FRMD4A: variants seen among roughly 807,000 people sequenced by gnomAD.
The protein encoded by FRMD4A is FERM domain containing 4A.
In FRMD4A, 29 loss-of-function variants were observed where a neutral mutation model predicts 129.1. That is an observed-to-expected ratio of 0.22 (90% CI 0.17 to 0.31). The LOEUF (loss-of-function observed/expected upper bound fraction) is 0.31, where lower values mean the gene tolerates loss of function less well. Ranked by LOEUF, FRMD4A falls within the 10% of genes least tolerant of loss-of-function variation. The pLI is 1.00. For synonymous variants in FRMD4A, 634 were observed against 571.6 expected, an observed-to-expected ratio of 1.11 and a Z score of -1.56; for missense variants, 1,272 against 1,375.8, an observed-to-expected ratio of 0.92 and a Z score of 1.19.
At chr10:13,896,284 G>C (rs550725811) in intron 2 of FRMD4A, among the ~76,000 whole-genome samples, 2 of 152,222 alleles carry the variant, frequency 1.3e-5, no homozygotes, top group Admixed American at 1.3e-4. Context: ...GCTAATCAAT[G>C]ATAGACTGGA....
intron 12 of FRMD4A, among the ~76,000 whole-genome samples, chr10:13,724,885 C>T (rs1278298711): frequency 6.6e-6 from 1 of 152,166 alleles, no homozygotes; most frequent in Non-Finnish European, 1.5e-5. Flanking sequence ...CTGGGAGACA[C>T]ATATCCCCAA....
chr10:14,085,069 C>A (rs189302895), intron 2 of FRMD4A, among the ~76,000 whole-genome samples: 3 of 152,336 alleles, frequency 2.0e-5, no homozygotes, highest in East Asian at 3.9e-4. Flanking sequence ...TTACTGAAAA[C>A]CACAATACAT....
At chr10:13,864,288 AC>A (rs1255032255) in intron 2 of FRMD4A, among the ~76,000 whole-genome samples, 1 of 132,700 alleles carries the variant, frequency 7.5e-6, no homozygotes, top group Non-Finnish European at 1.6e-5. Flanking sequence ...GAGCCACCAC[AC>A]CCCGCCATAG....
chr10:13,751,929 T>C (rs2091645846), intron 8 of FRMD4A, among the ~76,000 whole-genome samples: 4 of 152,100 alleles, frequency 2.6e-5, no homozygotes, highest in Admixed American at 6.5e-5. Flanking sequence ...AGTGGGAGGA[T>C]TGCTTGAGCC....
chr10:13,808,553 A>G (rs2093395492), intron 4 of FRMD4A, among the ~76,000 whole-genome samples: 1 of 152,192 alleles, frequency 6.6e-6, no homozygotes, highest in Non-Finnish European at 1.5e-5. Context: ...GTTCAGATGA[A>G]CAAAGAGGCA....
At chr10:13,838,080 C>T (rs148366164) in intron 3 of FRMD4A, among the ~76,000 whole-genome samples, 1,918 of 152,144 alleles carry the variant, frequency 0.013, 16 homozygotes, top group Non-Finnish European at 0.021. Context: ...TGAATTACAA[C>T]GTGCTATCTC....
chr10:14,214,494 A>G (rs1014204265), intron 2 of FRMD4A, among the ~76,000 whole-genome samples: 3 of 152,212 alleles, frequency 2.0e-5, no homozygotes, highest in African/African-American at 7.2e-5. Flanking sequence ...GGCTAGCTCT[A>G]ATGTCCTATA....
intron 2 of FRMD4A, among the ~76,000 whole-genome samples, chr10:13,963,032 G>A (rs1315855590): frequency 6.6e-6 from 1 of 152,154 alleles, no homozygotes; most frequent in Non-Finnish European, 1.5e-5. Flanking sequence ...AGAAGTGAGA[G>A]TTTTGCTTTC....
At chr10:14,111,944 G>C (rs182068365) in intron 2 of FRMD4A, among the ~76,000 whole-genome samples, 51,837 of 136,806 alleles carry the variant, frequency 0.38, 10,355 homozygotes, top group East Asian at 0.53. Context: ...AGGAAGGAAG[G>C]AAGGGAGGGA....
At chr10:13,783,114 A>G in intron 5 of FRMD4A, 108 bp from the exon 6 acceptor site, 1 of 690,930 alleles carries the variant, frequency 1.4e-6, no homozygotes, top group Non-Finnish European at 2.6e-6. Context: ...CCCATCCTAA[A>G]TAAACAAAGG....
At position 13,651,953 on chromosome 10, in the gene FRMD4A, G is replaced by A. The variant is rs2081644596; in HGVS notation, c.3072C>T (p.Pro1024=). 6.3e-7 allele frequency: 1 copy of A among 1,595,988 alleles called. No homozygotes were observed. The highest frequency in any genetic ancestry group is 1.7e-5 in the Admixed American group (1 of 59,988). Residue 1024 remains proline (P), a synonymous_variant, in exon 24 of 25, where the codon CCC becomes CCT. Transcript: ENST00000357447. The part of the protein sequence containing the change: ...WQTGEATENS[P]ILDGSESPPH... The stretch of plus-strand genomic sequence containing the variant: ...GTGGAGACTCAGACCCATCCAGAAT[G>A]GGTGAGTTTTCTGTTGCTTCTCTGA...
Position 14,116,189 on chromosome 10 carries a change from T to C in FRMD4A, c.45+213869A>G, listed in dbSNP as rs149085187. Among the ~76,000 whole-genome samples, 516 of 152,342 alleles carry C rather than the reference T, an allele frequency of 3.4e-3. 4 individuals are homozygous for C. Among genetic ancestry groups the C allele is most frequent in the African/African-American group, 0.012 (502 of 41,582 alleles). ...GGTTGGTTATGAAAATTGCATGCCT[T>C]GCATCATTACTCTGTTCTATTAGAA... On this transcript the variant is annotated intron_variant, in intron 2 of 24. Coordinates refer to ENST00000357447, the MANE Select transcript of FRMD4A (RefSeq NM_018027.5).
chr10:13,857,943 T>A (rs187778667), intron 3 of FRMD4A, among the ~76,000 whole-genome samples: 149 of 152,316 alleles, frequency 9.8e-4, no homozygotes, highest in African/African-American at 3.5e-3. Flanking sequence ...ATGATTCCAA[T>A]TACTTCTCCA....
chr10:14,082,524 G>T (rs1835988571), intron 2 of FRMD4A, among the ~76,000 whole-genome samples: 1 of 152,136 alleles, frequency 6.6e-6, no homozygotes, highest in South Asian at 2.1e-4. Context: ...TGTGGTATCT[G>T]TTAGGCTGGG....
chr10:14,258,912 A>C (rs1379980965), intron 2 of FRMD4A, among the ~76,000 whole-genome samples: 1 of 152,228 alleles, frequency 6.6e-6, no homozygotes, highest in Non-Finnish European at 1.5e-5. Flanking sequence ...AAAAGAGTAC[A>C]TGTTGCATGA....
At chr10:14,077,172 C>A (rs528323588) in intron 2 of FRMD4A, among the ~76,000 whole-genome samples, 7 of 152,116 alleles carry the variant, frequency 4.6e-5, no homozygotes, top group African/African-American at 7.2e-5. Flanking sequence ...GTAGGCACTG[C>A]AAGGGACTAA....
rs74751145 is a variant in FRMD4A, at chr10:13,813,940, G to A, written c.112-3032C>T. Among the ~76,000 whole-genome samples, 380 of 152,316 alleles carry A rather than the reference G, an allele frequency of 2.5e-3. 2 individuals carry two copies. The highest frequency in any genetic ancestry group is 8.5e-3 in the African/African-American group (355 of 41,564). On this transcript the variant is annotated intron_variant, in intron 3 of 24. Transcript: ENST00000357447. Reference sequence around the variant, plus strand: ...TTTACCTGTCCAAATGATTGCTACCGCTTTCAAAGTAGTCACTGTATTTCT... The same window carrying A: ...TTTACCTGTCCAAATGATTGCTACCACTTTCAAAGTAGTCACTGTATTTCT...
intron 3 of FRMD4A, among the ~76,000 whole-genome samples, chr10:13,832,390 G>A (rs905914253): frequency 1.3e-5 from 2 of 152,168 alleles, no homozygotes; most frequent in Non-Finnish European, 2.9e-5. Flanking sequence ...CAGGAAGCAG[G>A]AGGTCTGTGC....
intron 2 of FRMD4A, among the ~76,000 whole-genome samples, chr10:14,159,599 A>C (rs1268172421): frequency 6.6e-6 from 1 of 152,200 alleles, no homozygotes; most frequent in Non-Finnish European, 1.5e-5. Context: ...CCAAATACCA[A>C]TGACATTCTT....
Sources: gnomAD v4.1 joint callset for allele counts (sites outside exome capture counted in the v4.1 genomes callset) on GRCh38, gnomAD v4.1.1 for gene constraint, MANE v1.5 for transcripts, NCBI Gene and HGNC (gene_info 2026-07-23, HGNC 2026-07-21) for gene names.